The following TTLL1 variants were observed in gnomAD, a reference collection of about 807,000 sequenced individuals.
The protein encoded by TTLL1 is TTL family tubulin polyglutamylase complex subunit L1.
A neutral mutation model predicts 47.8 loss-of-function variants in TTLL1; 33 were observed. The ratio of observed to expected loss-of-function variants is 0.69; its 90% CI spans 0.52 to 0.92. TTLL1 has a LOEUF of 0.92. Ranked by LOEUF, TTLL1 falls within the 40% of genes least tolerant of loss-of-function variation. The pLI, the probability that TTLL1 is intolerant of heterozygous loss-of-function variation, is 0.00. For synonymous variants in TTLL1, 225 were observed against 214.1 expected (o/e 1.05, Z -0.45); for missense variants, 488 against 547.5 (o/e 0.89, Z 1.08).
chr22:43,064,391 A>G, intron 5 of TTLL1, 67 bp from the exon 6 acceptor site: 2 of 1,534,094 alleles, frequency 1.3e-6, no homozygotes, highest in Admixed American at 4.0e-5. Flanking sequence ...CAATCCAAGA[A>G]AGGAATAACT....
intron 1 of TTLL1, among the ~76,000 whole-genome samples, chr22:43,084,129 G>A (rs1368271402): frequency 6.6e-6 from 1 of 152,082 alleles, no homozygotes; most frequent in Non-Finnish European, 1.5e-5. Flanking sequence ...CAGAGTTCCT[G>A]TCTTCTGAAA....
intron 3 of TTLL1, among the ~76,000 whole-genome samples, chr22:43,074,623 T>C (rs28581206): frequency 3.3e-5 from 5 of 151,894 alleles, no homozygotes; most frequent in Admixed American, 1.3e-4. Flanking sequence ...GGAAGATCAC[T>C]TGAGTCCAGG....
At chr22:43,069,173 G>A (rs778476415) in intron 4 of TTLL1, among the ~76,000 whole-genome samples, 129 of 142,974 alleles carry the variant, frequency 9.0e-4, no homozygotes, top group Non-Finnish European at 1.6e-3. Context: ...TCAGGAGTTC[G>A]AGACCAGCCT....
intron 1 of TTLL1, among the ~76,000 whole-genome samples, chr22:43,080,511 G>A (rs986989426): frequency 6.6e-6 from 1 of 151,414 alleles, no homozygotes. Context: ...GGCTCCAGCT[G>A]GCCTTCTCAA....
chr22:43,072,854 G>T (rs891018823), intron 3 of TTLL1, among the ~76,000 whole-genome samples: 3 of 151,958 alleles, frequency 2.0e-5, no homozygotes, highest in Admixed American at 1.3e-4. Context: ...AAGGTGCTGG[G>T]ATTACAGGCA....
chr22:43,054,911 A>G (rs1286794977), intron 8 of TTLL1, among the ~76,000 whole-genome samples: 1 of 150,966 alleles, frequency 6.6e-6, no homozygotes, highest in Non-Finnish European at 1.5e-5. Context: ...TTTTTAGTAG[A>G]GATGGGGTTT....
At chr22:43,084,227 T>C (rs899746161) in intron 1 of TTLL1, among the ~76,000 whole-genome samples, 1 of 152,016 alleles carries the variant, frequency 6.6e-6, no homozygotes, top group Non-Finnish European at 1.5e-5. Context: ...CTTGGCTCAC[T>C]GCAACCTCCG....
chr22:43,039,908 G>A lies in TTLL1; in HGVS notation c.1143-3C>T, dbSNP rs376758175. ...CCTGGGCCAATTCTTCATCATACCT[G>A]GAGACAGAAACAGCCAGGATCACGG... is the stretch of plus-strand genomic sequence containing the variant. On this transcript the variant is annotated splice_polypyrimidine_tract_variant and splice_region_variant and intron_variant, in intron 10 of 10. Transcript: ENST00000266254. The A allele has an allele frequency of 6.8e-6, 11 of 1,613,034 alleles. No individual in the cohort carries two copies. In the African/African-American group the frequency reaches 1.3e-4, roughly 20 times the overall value.
At chr22:43,041,768 G>C (rs371200154) in intron 10 of TTLL1, among the ~76,000 whole-genome samples, 1 of 151,994 alleles carries the variant, frequency 6.6e-6, no homozygotes. Context: ...TTCCTGCCTC[G>C]GTCTCCCAAA....
intron 9 of TTLL1, among the ~76,000 whole-genome samples, chr22:43,050,189 G>A (rs1926503038): frequency 6.6e-6 from 1 of 151,926 alleles, no homozygotes; most frequent in African/African-American, 2.4e-5. Flanking sequence ...AGGCCGAGGT[G>A]GGCAGATCAC....
intron 5 of TTLL1, among the ~76,000 whole-genome samples, chr22:43,065,011 G>A (rs1927638393): frequency 6.6e-6 from 1 of 151,960 alleles, no homozygotes; most frequent in South Asian, 2.1e-4. Context: ...CAGGCATGGG[G>A]GCGGGTGCCT....
At chr22:43,043,608 A>C (rs965990799) in intron 10 of TTLL1, among the ~76,000 whole-genome samples, 2 of 151,798 alleles carry the variant, frequency 1.3e-5, no homozygotes, top group African/African-American at 4.8e-5. Flanking sequence ...CTCTCTGCCC[A>C]TCATCGCACC....
intron 3 of TTLL1, chr22:43,070,053 G>T (rs1431128537): frequency 8.5e-7 from 1 of 1,175,216 alleles, no homozygotes; most frequent in Non-Finnish European, 1.2e-6. Context: ...TGAGGGCCAG[G>T]AGCTGTGCTG....
At chr22:43,066,087 A>C (rs1281835553) in intron 5 of TTLL1, among the ~76,000 whole-genome samples, 2 of 150,826 alleles carry the variant, frequency 1.3e-5, no homozygotes, top group Non-Finnish European at 1.5e-5. Flanking sequence ...TGAACCTGGG[A>C]CGTGGAGGTT....
At chr22:43,088,918 C>G (rs898400606) in intron 1 of TTLL1, among the ~76,000 whole-genome samples, 4 of 152,166 alleles carry the variant, frequency 2.6e-5, no homozygotes, top group Admixed American at 1.3e-4. Flanking sequence ...GCCCTGAGTT[C>G]TCTCCACAGG....
intron 10 of TTLL1, among the ~76,000 whole-genome samples, chr22:43,044,510 C>G (rs750521867): frequency 6.6e-6 from 1 of 152,200 alleles, no homozygotes; most frequent in African/African-American, 2.4e-5. Flanking sequence ...GTGTAAATTT[C>G]ACTAAATATT....
intron 7 of TTLL1, 54 bp downstream of exon 7, chr22:43,063,759 C>G: frequency 6.4e-7 from 1 of 1,566,406 alleles, no homozygotes; most frequent in Non-Finnish European, 8.8e-7. Context: ...AGCCACCACA[C>G]CCGGCCTGAA....
chr22:43,076,839 C>T (rs1159485709), intron 2 of TTLL1, among the ~76,000 whole-genome samples: 8 of 151,838 alleles, frequency 5.3e-5, no homozygotes, highest in East Asian at 1.9e-4. Flanking sequence ...TGGTGGCTCA[C>T]GCCTGTAATC....
intron 8 of TTLL1, chr22:43,052,476 A>C (rs1926707179): frequency 6.4e-6 from 1 of 157,468 alleles, no homozygotes; most frequent in South Asian, 1.9e-4. Context: ...GCAGTGGCTC[A>C]TGCCTGTAAT....
Sources: allele counts gnomAD v4.1 joint callset (sites outside exome capture counted in the v4.1 genomes callset), GRCh38; gene constraint gnomAD v4.1.1; transcripts MANE v1.5; gene names NCBI Gene and HGNC (gene_info 2026-07-23, HGNC 2026-07-21).